Variants in PREPL observed in about 807,000 individuals in gnomAD.
The protein encoded by PREPL is prolyl endopeptidase-like.
A neutral mutation model predicts 70.6 loss-of-function variants in PREPL; 77 were observed. The ratio of observed to expected loss-of-function variants is 1.09; its 90% confidence interval spans 0.91 to 1.32. The LOEUF (loss-of-function observed/expected upper bound fraction) is 1.32. Among genes scored for constraint, PREPL ranks in the 40% most tolerant of loss-of-function variants. PREPL has a pLI of 0.00. For synonymous variants in PREPL, 315 were observed against 264.8 expected (o/e 1.19, Z -1.84); for missense variants, 1,002 against 778.2 (o/e 1.29, Z -3.42).
At chr2:44,334,745 A>C (rs1240629758) in intron 7 of PREPL, among the ~76,000 whole-genome samples, 1 of 151,952 alleles carries the variant, frequency 6.6e-6, no homozygotes, top group Admixed American at 6.6e-5. Flanking sequence ...TGTATTTTAT[A>C]TTTTTTGTAT....
At chr2:44,323,962 G>C (rs1262692330) in intron 10 of PREPL, among the ~76,000 whole-genome samples, 1 of 152,160 alleles carries the variant, frequency 6.6e-6, no homozygotes, top group African/African-American at 2.4e-5. Context: ...GTCTTAAAGA[G>C]ATCTGCATAC....
chr2:44,323,730 C>T (rs549256514), intron 10 of PREPL, among the ~76,000 whole-genome samples: 8 of 152,140 alleles, frequency 5.3e-5, no homozygotes, highest in Non-Finnish European at 7.4e-5. Context: ...CTGTCTCATA[C>T]CAATTAGGAC....
At chr2:44,355,507 C>T (rs1398561736) in intron 1 of PREPL, among the ~76,000 whole-genome samples, 1 of 152,088 alleles carries the variant, frequency 6.6e-6, no homozygotes, top group Non-Finnish European at 1.5e-5. Flanking sequence ...AGAGACTGTG[C>T]CACTGCACTA....
At chr2:44,347,504 T>C (rs946638235) in intron 1 of PREPL, among the ~76,000 whole-genome samples, 21 of 152,362 alleles carry the variant, frequency 1.4e-4, no homozygotes, top group South Asian at 1.2e-3. Flanking sequence ...CACTGTGTCT[T>C]ATCAAGAGTG....
Position 44,318,127 on chromosome 2 carries a change from G to A in PREPL, c.*3229C>T, listed in dbSNP as rs180849205. 12 of 436,190 alleles carry A rather than the reference G, an allele frequency of 2.8e-5. No individual in the cohort carries two copies. The highest frequency in any genetic ancestry group is 3.5e-4 in the Middle Eastern group (1 of 2,894). 27.0% of individuals were successfully genotyped at this position (436,190 alleles called of 1,614,324 possible). ...TTTTTTTTTGAGACAGTCTTGCTCC[G>A]TCACCCATGCTCGAGTGCAGTGGCG... On this transcript the variant is annotated 3_prime_UTR_variant, in exon 14 of 14. Transcript: ENST00000409411.
chr2:44,331,148 G>A (rs1249839962), intron 8 of PREPL, among the ~76,000 whole-genome samples: 1 of 152,068 alleles, frequency 6.6e-6, no homozygotes, highest in South Asian at 2.1e-4. Flanking sequence ...TCACTATATT[G>A]CCCAGGTTGG....
chr2:44,344,704 A>G, intron 2 of PREPL, 118 bp from the exon 3 acceptor site: 2 of 640,160 alleles, frequency 3.1e-6, no homozygotes, highest in East Asian at 3.0e-5. Flanking sequence ...GTTGAAGTAT[A>G]TGAATGAACA....
chr2:44,347,781 T>C (rs1675987981), intron 1 of PREPL, among the ~76,000 whole-genome samples: 1 of 152,190 alleles, frequency 6.6e-6, no homozygotes, highest in Admixed American at 6.5e-5. Flanking sequence ...GGAAAGTATT[T>C]ATTGCATAAA....
At chr2:44,331,843 C>T (rs1644642560) in intron 8 of PREPL, among the ~76,000 whole-genome samples, 1 of 152,090 alleles carries the variant, frequency 6.6e-6, no homozygotes, top group Admixed American at 6.6e-5. Context: ...ACTATTTTTG[C>T]CATAACTACA....
intron 1 of PREPL, chr2:44,359,563 A>G (rs751414463): frequency 6.2e-7 from 1 of 1,613,450 alleles, no homozygotes; most frequent in South Asian, 1.1e-5. Flanking sequence ...TATTCTGAAG[A>G]CACTTGGTTA....
At position 44,328,936 on chromosome 2, in the gene PREPL, C is replaced by T. The variant is rs1172015222; in HGVS notation, c.1262+1G>A. On this transcript the variant is annotated splice_donor_variant, in intron 9 of 13. Transcript: ENST00000409411. LOFTEE classifies it high-confidence loss of function. ...ATGCCAGGTAAAATATACTGACTCA[C>T]CGAACATGGCAGTATGCTAATATCC... The T allele has an allele frequency of 5.0e-6, 8 of 1,609,416 alleles. No homozygotes were observed. Among genetic ancestry groups the T allele is most frequent in the Non-Finnish European group, 6.8e-6 (8 of 1,178,326 alleles).
rs1572594874 is a variant in PREPL, at chr2:44,359,597, C to G, written c.-49+1783G>C. Reference sequence around the variant, plus strand: ...TAGGTGATATTTTTTCAATTTTATTCTATTGTAACAATGATCAGCGAAGTT... The same window carrying G: ...TAGGTGATATTTTTTCAATTTTATTGTATTGTAACAATGATCAGCGAAGTT... On this transcript the variant is annotated intron_variant, in intron 1 of 13. Transcript: ENST00000409411. 2 of 1,611,500 alleles carry G rather than the reference C, an allele frequency of 1.2e-6. No homozygotes were observed. Among genetic ancestry groups the G allele is most frequent in the African/African-American group, 1.3e-5 (1 of 74,966 alleles).
intron 5 of PREPL, among the ~76,000 whole-genome samples, chr2:44,340,164 T>G (rs1345813361): frequency 6.6e-6 from 1 of 152,066 alleles, no homozygotes. Flanking sequence ...GTTTAATGGC[T>G]ACCTAATATA....
Position 44,320,716 on chromosome 2 carries a change from G to A in PREPL, c.*640C>T, listed in dbSNP as rs1672867176. 1.8e-6 allele frequency: 2 copies of A among 1,088,668 alleles called. No individual in the cohort carries two copies. Among genetic ancestry groups the A allele is most frequent in the Admixed American group, 1.7e-5 (1 of 58,126 alleles). The allele number at this position is 1,088,668 out of a possible 1,614,324, so 67.4% of individuals were successfully genotyped here. ...TTTGTAATAGCTTCATGTACAGCATGCTGCTTGGTGAACAATCATTAATTC... is the reference window on the plus strand; with the variant it reads ...TTTGTAATAGCTTCATGTACAGCATACTGCTTGGTGAACAATCATTAATTC... On this transcript the variant is annotated 3_prime_UTR_variant, in exon 14 of 14. Coordinates refer to ENST00000409411, the MANE Select transcript of PREPL (RefSeq NM_001171613.2).
At chr2:44,361,263 A>C (rs1677762519) in intron 1 of PREPL, 117 bp downstream of exon 1, 1 of 151,270 alleles carries the variant, frequency 6.6e-6, no homozygotes, top group African/African-American at 2.4e-5. Flanking sequence ...ACCAGGTGAC[A>C]CGCACGCAGT....
chr2:44,326,383 CTTTTT>C lies in PREPL; in HGVS notation c.1479+324_1479+328del, dbSNP rs554397665. Among the ~76,000 whole-genome samples the C allele has an allele frequency of 4.7e-5, 6 of 128,212 alleles. No individual in the cohort carries two copies. The South Asian group carries it at 1.2e-3, about 27-fold the overall frequency. The allele number at this position is 128,212 out of a possible 152,430, so 84.1% of individuals were successfully genotyped here. A position where few individuals can be genotyped will look rare whatever the true frequency, so the allele number is the denominator to read the frequency against. Reference sequence around the variant, plus strand: ...ACTGTAACAGAAATGTTTTTCTTTCCTTTTTTTTTTTTTTTTTTGACAATGTCTCA... The same window carrying C: ...ACTGTAACAGAAATGTTTTTCTTTCCTTTTTTTTTTTTTGACAATGTCTCA... On this transcript the variant is annotated intron_variant, in intron 10 of 13. Transcript: ENST00000409411.
intron 13 of PREPL, 93 bp downstream of exon 13, chr2:44,321,734 C>A (rs1201609533): frequency 1.2e-6 from 2 of 1,607,696 alleles, no homozygotes; most frequent in Non-Finnish European, 1.7e-6. Flanking sequence ...TGTGAAGTGG[C>A]TTTGTCATAA....
In PREPL at chr2:44,326,889, G is replaced by A. The variant is rs376023108; in HGVS notation, c.1302C>T (p.Gly434=). ...GELGLQWHAD[G]RLTKKLNGLA... ...GGCCATTGAGTTTTTTAGTTAGGCG[G>A]CCATCAGCGTGCCACTGGAGGCCTA... Residue 434 remains glycine, a synonymous_variant, in exon 10 of 14, where the codon GGC becomes GGT. Coordinates refer to ENST00000409411, the MANE Select transcript of PREPL (RefSeq NM_001171613.2). 14 of 1,614,154 alleles carry A rather than the reference G, an allele frequency of 8.7e-6. No individual in the cohort carries two copies. The highest frequency in any genetic ancestry group is 4.0e-5 in the African/African-American group (3 of 75,036).
In PREPL at chr2:44,342,497, G is replaced by T. The variant is rs1675332417; in HGVS notation, c.405C>A (p.Asn135Lys). 2.5e-6 allele frequency: 4 copies of T among 1,612,272 alleles called. No homozygotes were observed. The highest frequency in any genetic ancestry group is 2.7e-5 in the African/African-American group (2 of 74,768). Residue 135 changes from asparagine (N) to lysine (K), a missense_variant, in exon 5 of 14, where the codon AAC (asparagine) becomes AAA (lysine). By Grantham distance (94) the Asn-to-Lys change is moderately conservative. Coordinates refer to ENST00000409411, the MANE Select transcript of PREPL (RefSeq NM_001171613.2). ...CTCGATATACGTCATGACAGCGAAG[G>T]TTCCTCTGGAAGGTGTAGAATAAAA... is the stretch of plus-strand genomic sequence containing the variant. The part of the protein sequence containing the change: ...EDVLFYTFQR[N>K]LRCHDVYRAT...
Sources: gnomAD v4.1 joint callset for allele counts (sites outside exome capture counted in the v4.1 genomes callset) on GRCh38, gnomAD v4.1.1 for gene constraint, MANE v1.5 for transcripts, NCBI Gene and HGNC (gene_info 2026-07-23, HGNC 2026-07-21) for gene names.